Variants in FBXL5 observed in about 807,000 individuals in gnomAD.
The protein encoded by FBXL5 is F-box and leucine rich repeat protein 5.
A neutral mutation model predicts 78.3 loss-of-function variants in FBXL5; 26 were observed. The observed-to-expected ratio is 0.33, with a 90% confidence interval of 0.24 to 0.46. The LOEUF is 0.46. Among genes scored for constraint, FBXL5 ranks in the 20% least tolerant of loss-of-function variants. The pLI, the probability that FBXL5 is intolerant of heterozygous loss-of-function variation, is 1.00. For synonymous variants in FBXL5, 295 were observed against 282.5 expected (o/e 1.04, Z -0.45); for missense variants, 710 against 829.2 (o/e 0.86, Z 1.77).
upstream of FBXL5, chr4:15,656,394 G>A: frequency 2.3e-6 from 1 of 427,264 alleles, no homozygotes; most frequent in South Asian, 1.6e-5. Context: ...AACCTTGGGA[G>A]GAATTGTTAT....
intron 9 of FBXL5, among the ~76,000 whole-genome samples, chr4:15,613,898 C>G (rs1418301875): frequency 5.9e-5 from 9 of 151,908 alleles, no homozygotes; most frequent in African/African-American, 2.2e-4. Context: ...GTGCCTCTTC[C>G]AGTAGCTTAG....
At chr4:15,652,682 A>G (rs73241191) in intron 1 of FBXL5, among the ~76,000 whole-genome samples, 13,870 of 152,246 alleles carry the variant, frequency 0.091, 776 homozygotes, top group Non-Finnish European at 0.12. Flanking sequence ...GCTTAAGCAT[A>G]TAAGTGGTTT....
intron 1 of FBXL5, among the ~76,000 whole-genome samples, chr4:15,669,227 A>G (rs952945008): frequency 6.6e-6 from 1 of 152,216 alleles, no homozygotes; most frequent in Non-Finnish European, 1.5e-5. Context: ...TACTTTGGCT[A>G]TATATACAGC....
intron 3 of FBXL5, 77 bp from the exon 4 acceptor site, chr4:15,638,771 T>C: frequency 5.5e-6 from 5 of 903,878 alleles, no homozygotes; most frequent in Non-Finnish European, 6.6e-6. Flanking sequence ...AAATTATTAA[T>C]GGCTCGAATG....
chr4:15,627,259 T>C (rs986432484), intron 7 of FBXL5, among the ~76,000 whole-genome samples: 9 of 151,446 alleles, frequency 5.9e-5, no homozygotes, highest in African/African-American at 2.2e-4. Flanking sequence ...CTCAGCCTCC[T>C]GAGTAGCTGA....
chr4:15,624,527 C>T (rs1712812471), intron 9 of FBXL5, among the ~76,000 whole-genome samples: 1 of 151,582 alleles, frequency 6.6e-6, no homozygotes, highest in African/African-American at 2.4e-5. Flanking sequence ...CATATAGAAC[C>T]TAGCTGCTGA....
chr4:15,669,810 C>T (rs1014352220), intron 1 of FBXL5, among the ~76,000 whole-genome samples: 15 of 151,884 alleles, frequency 9.9e-5, no homozygotes, highest in Non-Finnish European at 7.4e-5. Context: ...GTAATAATAC[C>T]ACATATTTTA....
chr4:15,670,353 T>C (rs1216087483), intron 1 of FBXL5, among the ~76,000 whole-genome samples: 1 of 152,244 alleles, frequency 6.6e-6, no homozygotes, highest in Non-Finnish European at 1.5e-5. Flanking sequence ...TATTTTCCAG[T>C]GGTTGCTCCG....
intron 1 of FBXL5, among the ~76,000 whole-genome samples, chr4:15,666,944 CAT>C (rs1255186343): frequency 9.3e-5 from 14 of 151,240 alleles, no homozygotes; most frequent in Admixed American, 8.6e-4. Context: ...ACATTGTAGA[CAT>C]ATATCAAAAC....
intron 1 of FBXL5, among the ~76,000 whole-genome samples, chr4:15,669,707 T>A (rs1266452192): frequency 6.6e-6 from 1 of 152,222 alleles, no homozygotes; most frequent in Non-Finnish European, 1.5e-5. Context: ...GAAAAGTTAT[T>A]TTTATTAAAT....
At chr4:15,635,771 A>T (rs1714190496) in intron 5 of FBXL5, among the ~76,000 whole-genome samples, 1 of 151,784 alleles carries the variant, frequency 6.6e-6, no homozygotes, top group South Asian at 2.1e-4. Context: ...GAAAAAAAAA[A>T]AAAAAAAACT....
intron 1 of FBXL5, among the ~76,000 whole-genome samples, chr4:15,650,766 G>A (rs1246956068): frequency 1.3e-5 from 2 of 149,678 alleles, no homozygotes; most frequent in African/African-American, 2.5e-5. Flanking sequence ...CTGAGTAGCT[G>A]GGATTACAGG....
chr4:15,624,942 G>C (rs1712879529), intron 9 of FBXL5, among the ~76,000 whole-genome samples: 1 of 152,166 alleles, frequency 6.6e-6, no homozygotes, highest in South Asian at 2.1e-4. Flanking sequence ...ATGTTCTTGA[G>C]AGTAAAAATT....
At chr4:15,680,011 T>C (rs1389706483) in intron 1 of FBXL5, among the ~76,000 whole-genome samples, 1 of 152,152 alleles carries the variant, frequency 6.6e-6, no homozygotes, top group Admixed American at 6.5e-5. Flanking sequence ...ACGCGTGATT[T>C]ACTGTATAAA....
chr4:15,643,551 G>A (rs12650529), intron 2 of FBXL5, among the ~76,000 whole-genome samples: 36,812 of 150,358 alleles, frequency 0.24, 4,681 homozygotes, highest in African/African-American at 0.29. Context: ...GATTACAGGC[G>A]CCTGCCACTA....
chr4:15,628,788 C>CACACAT (rs10676010), intron 6 of FBXL5, among the ~76,000 whole-genome samples: 14 of 77,732 alleles, frequency 1.8e-4, no homozygotes, highest in Admixed American at 9.9e-4. Context: ...CACACACACA[C>CACACAT]GCACACACAC....
At chr4:15,627,118 TC>T (rs1335009861) in intron 7 of FBXL5, among the ~76,000 whole-genome samples, 163 bp from the exon 8 acceptor site, 1 of 143,110 alleles carries the variant, frequency 7.0e-6, no homozygotes, top group Admixed American at 7.3e-5. Flanking sequence ...TGGGCTCAAA[TC>T]CCTGAGAATC....
Position 15,626,486 on chromosome 4 carries a change from G to A in FBXL5, c.1124+387C>T, listed in dbSNP as rs114645785. ...TGGTCAAGGAGATATACTCTGGGAA[G>A]AAGGTGGCTTGAAGAAAGTTACACT... On this transcript the variant is annotated intron_variant, in intron 8 of 10. Coordinates refer to ENST00000341285, the MANE Select transcript of FBXL5 (RefSeq NM_012161.4). Among the ~76,000 whole-genome samples the A allele has an allele frequency of 4.0e-3, 603 of 152,334 alleles. 7 individuals carry two copies. Among genetic ancestry groups the A allele is most frequent in the African/African-American group, 0.014 (573 of 41,578 alleles).
At chr4:15,637,580 G>A (rs1295192576) in intron 4 of FBXL5, among the ~76,000 whole-genome samples, 2 of 152,004 alleles carry the variant, frequency 1.3e-5, no homozygotes, top group Non-Finnish European at 2.9e-5. Flanking sequence ...TTGAAGGAGT[G>A]GGAAAATAAA....
Sources: gnomAD v4.1 joint callset for allele counts (sites outside exome capture counted in the v4.1 genomes callset) on GRCh38, gnomAD v4.1.1 for gene constraint, MANE v1.5 for transcripts, NCBI Gene and HGNC (gene_info 2026-07-23, HGNC 2026-07-21) for gene names.